The following FAT3 variants were observed in gnomAD, a reference collection of about 807,000 sequenced individuals.
FAT3 encodes protocadherin Fat 3.
Under a neutral mutation model 310.2 loss-of-function variants are expected in FAT3, and 95 were observed. That is an observed-to-expected ratio of 0.31 (90% confidence interval 0.26 to 0.36). FAT3 has a LOEUF of 0.36. Among genes scored for constraint, FAT3 ranks in the 10% least tolerant of loss-of-function variants. The probability of loss-of-function intolerance (pLI) is 1.00; values close to 1 mark genes in which losing one functional copy is unlikely to be tolerated. For missense variants in FAT3, 5,408 were observed against 5,715.6 expected (o/e 0.95, Z 1.74); for synonymous variants, 2,314 against 2,192.9 (o/e 1.06, Z -1.54).
chr11:92,376,905 G>GAGCTC (rs1949363693), intron 2 of FAT3, among the ~76,000 whole-genome samples: 2 of 152,278 alleles, frequency 1.3e-5, no homozygotes, highest in South Asian at 4.1e-4. Flanking sequence ...TATATTCTAA[G>GAGCTC]AGCTCACAGG....
At chr11:92,659,401 G>A (rs904795604) in intron 3 of FAT3, among the ~76,000 whole-genome samples, 15 of 152,184 alleles carry the variant, frequency 9.9e-5, no homozygotes, top group African/African-American at 1.4e-4. Context: ...AGGTGCAGTC[G>A]TTAGCCTAGA....
intron 2 of FAT3, among the ~76,000 whole-genome samples, chr11:92,512,955 T>TTTCAG (rs1276235862): frequency 2.9e-5 from 3 of 101,780 alleles, no homozygotes; most frequent in Non-Finnish European, 1.9e-5. Flanking sequence ...ACCCCGTCTC[T>TTTCAG]ACTAAAAATA....
chr11:92,791,965 C>G (rs571836537), intron 8 of FAT3, among the ~76,000 whole-genome samples: 1 of 152,178 alleles, frequency 6.6e-6, no homozygotes, highest in African/African-American at 2.4e-5. Context: ...TAACATTTCT[C>G]TAAGTAAGAA....
chr11:92,809,219 A>G (rs1947595744), intron 12 of FAT3, among the ~76,000 whole-genome samples: 1 of 152,128 alleles, frequency 6.6e-6, no homozygotes, highest in African/African-American at 2.4e-5. Context: ...ATGCTCCTCA[A>G]GTTTTCTCCG....
At chr11:92,646,527 T>C (rs1942174492) in intron 3 of FAT3, among the ~76,000 whole-genome samples, 1 of 152,218 alleles carries the variant, frequency 6.6e-6, no homozygotes, top group Non-Finnish European at 1.5e-5. Flanking sequence ...TAATGTTTCA[T>C]ACCAGCTAGT....
intron 3 of FAT3, among the ~76,000 whole-genome samples, chr11:92,587,359 T>A (rs1036762100): frequency 6.6e-6 from 1 of 152,034 alleles, no homozygotes; most frequent in Non-Finnish European, 1.5e-5. Context: ...TTTACCATTA[T>A]TTAAAAGGTG....
intron 2 of FAT3, among the ~76,000 whole-genome samples, chr11:92,514,922 A>G (rs1025210663): frequency 2.0e-5 from 3 of 152,134 alleles, no homozygotes; most frequent in Admixed American, 6.6e-5. Flanking sequence ...GTTAGCTAAA[A>G]CTGCCCAGTA....
intron 4 of FAT3, among the ~76,000 whole-genome samples, chr11:92,761,239 A>G (rs1021488622): frequency 6.6e-6 from 1 of 152,128 alleles, no homozygotes; most frequent in African/African-American, 2.4e-5. Context: ...TTCCTCCTAG[A>G]TGGTGCCTTC....
chr11:92,721,978 A>G (rs542533037), intron 4 of FAT3, among the ~76,000 whole-genome samples: 5 of 152,124 alleles, frequency 3.3e-5, no homozygotes, highest in African/African-American at 9.6e-5. Context: ...TGGGAATTCA[A>G]TATGAGATTT....
chr11:92,797,105 A>G (rs1161982576), intron 9 of FAT3, among the ~76,000 whole-genome samples: 2 of 152,128 alleles, frequency 1.3e-5, no homozygotes, highest in Non-Finnish European at 2.9e-5. Context: ...GTTTACTTTT[A>G]TGTCTAGATG....
intron 2 of FAT3, among the ~76,000 whole-genome samples, chr11:92,425,948 G>A (rs1950622991): frequency 6.6e-6 from 1 of 152,100 alleles, no homozygotes; most frequent in African/African-American, 2.4e-5. Flanking sequence ...AGATCCTTGA[G>A]GAATCACCAC....
At chr11:92,687,645 T>A (rs374277279) in intron 3 of FAT3, among the ~76,000 whole-genome samples, 1 of 152,174 alleles carries the variant, frequency 6.6e-6, no homozygotes, top group African/African-American at 2.4e-5. Flanking sequence ...TAGAGACTTA[T>A]TGTTGTATCT....
At chr11:92,547,630 TC>T (rs1954657472) in intron 3 of FAT3, among the ~76,000 whole-genome samples, 1 of 151,982 alleles carries the variant, frequency 6.6e-6, no homozygotes, top group African/African-American at 2.4e-5. Flanking sequence ...TTCTGCCCTC[TC>T]CCCTTCTCAC....
At chr11:92,422,867 C>G (rs559083712) in intron 2 of FAT3, among the ~76,000 whole-genome samples, 26 of 152,164 alleles carry the variant, frequency 1.7e-4, no homozygotes, top group African/African-American at 6.3e-4. Context: ...GGCTAGTGGT[C>G]AAATCAGTTG....
In FAT3 at chr11:92,890,937, G is replaced by C. The variant is rs1328298428; in HGVS notation, c.13594G>C (p.Asp4532His). The C allele has an allele frequency of 1.2e-6, 2 of 1,614,028 alleles. No individual in the cohort carries two copies. Among genetic ancestry groups the C allele is most frequent in the Admixed American group, 3.3e-5 (2 of 60,028 alleles). Residue 4532 changes from aspartate to histidine, a missense_variant, in exon 28 of 28, where the codon GAC becomes CAC. Physicochemically the swap from Asp to His is moderately conservative, Grantham distance 81. Coordinates refer to ENST00000525166, the MANE Select transcript of FAT3 (RefSeq NM_001367949.2). ...GGGCACAGAGCCCACAGGCCCAGCA[G>C]ACAGCGTGTCTCTGTCCTTGCACAA... is the stretch of plus-strand genomic sequence containing the variant. ...NQGTEPTGPA[D>H]SVSLSLHNSR...
chr11:92,515,134 T>C (rs1953435834), intron 2 of FAT3, among the ~76,000 whole-genome samples: 1 of 152,128 alleles, frequency 6.6e-6, no homozygotes, highest in South Asian at 2.1e-4. Flanking sequence ...ACTTATTGAG[T>C]GCCTACTATA....
intron 1 of FAT3, among the ~76,000 whole-genome samples, chr11:92,246,291 C>G (rs1426802592): frequency 6.6e-6 from 1 of 151,952 alleles, no homozygotes; most frequent in African/African-American, 2.4e-5. Flanking sequence ...TGCATGTAGG[C>G]AGAGAGGAGA....
At chr11:92,276,854 T>G (rs1215083760) in intron 1 of FAT3, among the ~76,000 whole-genome samples, 1 of 152,184 alleles carries the variant, frequency 6.6e-6, no homozygotes, top group Non-Finnish European at 1.5e-5. Flanking sequence ...TATAACCTCG[T>G]AGGACAATCT....
At chr11:92,619,060 G>A (rs1202684235) in intron 3 of FAT3, among the ~76,000 whole-genome samples, 3 of 152,124 alleles carry the variant, frequency 2.0e-5, no homozygotes, top group African/African-American at 4.8e-5. Flanking sequence ...AGGGTTGTTA[G>A]ATTTCATCAA....
Sources: gnomAD v4.1 joint callset for allele counts (sites outside exome capture counted in the v4.1 genomes callset) on GRCh38, gnomAD v4.1.1 for gene constraint, MANE v1.5 for transcripts, NCBI Gene and HGNC (gene_info 2026-07-23, HGNC 2026-07-21) for gene names.